The following OR3A2 variants were observed in gnomAD, a reference collection of about 807,000 sequenced individuals.
OR3A2 encodes the protein olfactory receptor 3A2.
For synonymous variants in OR3A2, 126 were observed against 159.3 expected (o/e 0.79, Z 1.57); for missense variants, 318 against 392.8 (o/e 0.81, Z 1.61).
At chr17:3,313,381 C>T (rs1597334320) in intron 3 of OR3A2, among the ~76,000 whole-genome samples, 1 of 152,218 alleles carries the variant, frequency 6.6e-6, no homozygotes, top group Non-Finnish European at 1.5e-5. Flanking sequence ...CTCTCTTACA[C>T]CATTGTCCTC....
intron 3 of OR3A2, among the ~76,000 whole-genome samples, chr17:3,299,393 GGGGCACTGGA>G (rs1037279066): frequency 1.8e-4 from 28 of 152,240 alleles, no homozygotes; most frequent in African/African-American, 6.5e-4. Flanking sequence ...GGGGCACTGG[GGGGCACTGGA>G]ATTGCATCTT....
chr17:3,279,124 A>G lies in OR3A2; in HGVS notation c.-6-201T>C, dbSNP rs1220168071. ...ATGACACCACCACCTTGTCCTCCTC[A>G]TCCTCTGCTAGCTGAAAAGGTCAGA... On this transcript the variant is annotated intron_variant, in intron 1 of 1. An upstream start codon of the reference 5' UTR is lost. Coordinates refer to ENST00000642052, the Ensembl canonical transcript of OR3A2. The G allele has an allele frequency of 2.5e-6, 2 of 785,624 alleles. No homozygotes were observed. Among genetic ancestry groups the G allele is most frequent in the East Asian group, 5.4e-5 (2 of 37,086 alleles). The allele number at this position is 785,624 out of a possible 1,614,324, so 48.7% of individuals were successfully genotyped here.
At chr17:3,324,033 A>C (rs1240139166) in intron 3 of OR3A2, among the ~76,000 whole-genome samples, 3 of 151,862 alleles carry the variant, frequency 2.0e-5, no homozygotes, top group South Asian at 4.2e-4. Context: ...GTAGTCCCAT[A>C]TTTCTTGGAG....
rs200562233 is a variant in OR3A2 at position 3,278,547 on chromosome 17, T to G, written c.371A>C (p.Asp124Ala). The G allele has an allele frequency of 8.6e-4, 1,380 of 1,612,358 alleles. 11 individuals are homozygous for G. The highest frequency in any genetic ancestry group is 9.5e-4 in the Admixed American group (57 of 59,820). ...GGGCTGGCAGATGGCCAGGAGTCGG[T>G]CATAGGCCATGGCGGTCAGCAGGAA... The change falls in exon 2 of 2, where the codon GAC becomes GCC. Residue 124 changes from aspartate to alanine, a missense_variant. Physicochemically the swap from Asp to Ala is moderately radical, Grantham distance 126 (BLOSUM62 -2). Transcript: ENST00000642052.
chr17:3,369,012 TGA>T (rs1184629867), intron 2 of OR3A2, among the ~76,000 whole-genome samples: 1 of 152,262 alleles, frequency 6.6e-6, no homozygotes, highest in Admixed American at 6.5e-5. Flanking sequence ...TAAAAGGGGT[TGA>T]GTTCTTGATT....
chr17:3,372,707 G>A (rs1322302730), intron 2 of OR3A2, among the ~76,000 whole-genome samples: 8 of 151,928 alleles, frequency 5.3e-5, no homozygotes, highest in East Asian at 1.9e-4. Context: ...GCCTGCAATC[G>A]CAGGCACTCG....
upstream of OR3A2, among the ~76,000 whole-genome samples, chr17:3,285,133 C>T (rs1223246122): frequency 5.3e-5 from 8 of 152,060 alleles, no homozygotes; most frequent in South Asian, 1.3e-3. Context: ...TTTCTAAGTC[C>T]GGCCCTGAGG....
intron 3 of OR3A2, among the ~76,000 whole-genome samples, chr17:3,312,557 C>T (rs1358004041): frequency 1.3e-5 from 2 of 152,182 alleles, no homozygotes; most frequent in Non-Finnish European, 2.9e-5. Context: ...CTGCCCCCGC[C>T]CCCTGACCAG....
intron 2 of OR3A2, among the ~76,000 whole-genome samples, chr17:3,374,581 A>G (rs1197279323): frequency 6.6e-6 from 1 of 152,122 alleles, no homozygotes; most frequent in Non-Finnish European, 1.5e-5. Flanking sequence ...CTATTGTTGA[A>G]ACTTCCCAAT....
At chr17:3,279,189 A>G in intron 1 of OR3A2, 36 bp from the exon 4 acceptor site, 2 of 562,014 alleles carry the variant, frequency 3.6e-6, no homozygotes, top group South Asian at 5.6e-5. Flanking sequence ...AATAAAGTGT[A>G]TTGCATTCAG....
chr17:3,354,712 T>C (rs2049450270), intron 2 of OR3A2, among the ~76,000 whole-genome samples: 1 of 151,406 alleles, frequency 6.6e-6, no homozygotes, highest in Non-Finnish European at 1.5e-5. Flanking sequence ...ACCAATGTTT[T>C]ATTTCACTGA....
chr17:3,369,120 A>T (rs887455134), intron 2 of OR3A2, among the ~76,000 whole-genome samples: 3 of 152,268 alleles, frequency 2.0e-5, no homozygotes, highest in Non-Finnish European at 2.9e-5. Context: ...CATTTATCAG[A>T]TCTAGGAGCT....
At chr17:3,353,795 G>A (rs542615266) in intron 2 of OR3A2, among the ~76,000 whole-genome samples, 3 of 151,804 alleles carry the variant, frequency 2.0e-5, no homozygotes, top group African/African-American at 7.2e-5. Flanking sequence ...ATCACCTCAA[G>A]CACTTATGTT....
At chr17:3,320,224 TG>T in intron 3 of OR3A2, among the ~76,000 whole-genome samples, 1 of 131,074 alleles carries the variant, frequency 7.6e-6, no homozygotes, top group South Asian at 3.3e-4. Flanking sequence ...TTGATGGGGT[TG>T]TTTGTTTTTT....
intron 1 of OR3A2, chr17:3,384,047 T>C (rs1273852875): frequency 6.6e-6 from 1 of 151,720 alleles, no homozygotes; most frequent in Non-Finnish European, 1.5e-5. Flanking sequence ...AAATATTATA[T>C]ACAGATCACT....
At chr17:3,368,412 TTAAG>T (rs1307350336) in intron 2 of OR3A2, among the ~76,000 whole-genome samples, 2 of 152,354 alleles carry the variant, frequency 1.3e-5, no homozygotes, top group African/African-American at 4.8e-5. Flanking sequence ...GATTTTTGTA[TTAAG>T]TGAGAGATGA....
At chr17:3,362,103 T>C (rs567945376) in intron 2 of OR3A2, among the ~76,000 whole-genome samples, 2 of 151,838 alleles carry the variant, frequency 1.3e-5, no homozygotes, top group East Asian at 1.9e-4. Flanking sequence ...AGCCTGTTAT[T>C]GGTCTATTCA....
intron 3 of OR3A2, among the ~76,000 whole-genome samples, chr17:3,324,309 C>T (rs918664927): frequency 1.3e-5 from 2 of 151,954 alleles, no homozygotes; most frequent in Non-Finnish European, 2.9e-5. Context: ...TTCGAACTTC[C>T]TCCTGTAGCT....
At chr17:3,378,863 G>T (rs1283744787) in intron 2 of OR3A2, among the ~76,000 whole-genome samples, 3 of 152,144 alleles carry the variant, frequency 2.0e-5, no homozygotes, top group Non-Finnish European at 2.9e-5. Context: ...GTAACTTGCT[G>T]TGCCCAAGTC....
Sources: gnomAD v4.1 joint callset for allele counts (sites outside exome capture counted in the v4.1 genomes callset) on GRCh38, gnomAD v4.1.1 for gene constraint, MANE v1.5 for transcripts, NCBI Gene and HGNC (gene_info 2026-07-23, HGNC 2026-07-21) for gene names.